The following DPY30 variants were observed in gnomAD, a reference collection of about 807,000 sequenced individuals.
DPY30 encodes the protein protein dpy-30 homolog.
A neutral mutation model predicts 16.2 loss-of-function variants in DPY30; 6 were observed. The observed-to-expected ratio is 0.37, with a 90% CI of 0.20 to 0.73. The LOEUF is 0.73. Ranked by LOEUF, DPY30 falls within the 30% of genes least tolerant of loss-of-function variation. The pLI is 0.51. For missense variants in DPY30, 73 were observed against 113.1 expected, an observed-to-expected ratio of 0.65 and a Z score of 1.61; for synonymous variants, 39 against 38.8, an observed-to-expected ratio of 1.00 and a Z score of -0.02.
At chr2:32,038,600 C>G (rs1675842921) in intron 3 of DPY30, among the ~76,000 whole-genome samples, 1 of 151,252 alleles carries the variant, frequency 6.6e-6, no homozygotes, top group Admixed American at 6.6e-5. Context: ...TCCACCAGCT[C>G]ACTATTCTGC....
chr2:32,022,510 AT>A (rs70964747), downstream of DPY30, among the ~76,000 whole-genome samples: 147 of 149,260 alleles, frequency 9.8e-4, no homozygotes, highest in East Asian at 1.8e-3. Context: ...GTATTTATGT[AT>A]TTTTTTTTTT....
chr2:32,023,455 C>A (rs562267422), downstream of DPY30: 8 of 472,204 alleles, frequency 1.7e-5, no homozygotes, highest in East Asian at 5.6e-4. Flanking sequence ...CACTTAACCT[C>A]TCCAAGTCTG....
intron 1 of DPY30, 114 bp downstream of exon 1, chr2:32,039,619 A>G (rs967779642): frequency 2.5e-6 from 2 of 816,276 alleles, no homozygotes; most frequent in African/African-American, 1.7e-5. Context: ...CACGAGCAGT[A>G]GAGCAGCAGA....
At chr2:32,036,233 C>G (rs919579860) in intron 3 of DPY30, among the ~76,000 whole-genome samples, 6 of 152,054 alleles carry the variant, frequency 3.9e-5, no homozygotes, top group Non-Finnish European at 8.8e-5. Flanking sequence ...CCACCTTGGC[C>G]TCCCAACGGG....
chr2:32,015,313 C>G (rs1345215405), intron 5 of DPY30, among the ~76,000 whole-genome samples: 1 of 152,136 alleles, frequency 6.6e-6, no homozygotes, highest in East Asian at 1.9e-4. Context: ...TCAACTAAAA[C>G]TAGTGTTCTA....
chr2:32,039,233 C>A, intron 3 of DPY30, 46 bp downstream of exon 3: 1 of 1,613,692 alleles, frequency 6.2e-7, no homozygotes, highest in Non-Finnish European at 8.5e-7. Flanking sequence ...TTTTCTCCAG[C>A]TTGCAAGAGA....
rs540575270 is a variant in DPY30, at chr2:32,017,745, G to A, written n.377+5677C>T. Reference sequence around the variant, plus strand: ...CAGTTCTATTAGGTACTGCCATTACGTAATTTAATTAAACATTACATAAGC... The same window carrying A: ...CAGTTCTATTAGGTACTGCCATTACATAATTTAATTAAACATTACATAAGC... On this transcript the variant is annotated intron_variant and non_coding_transcript_variant, in intron 5 of 5. Coordinates refer to the DPY30 transcript ENST00000414013. Among the ~76,000 whole-genome samples the A allele has an allele frequency of 5.8e-4, 89 of 152,138 alleles. 1 individual carries two copies. Among genetic ancestry groups the A allele is most frequent in the Middle Eastern group, 3.4e-3 (1 of 292 alleles).
intron 4 of DPY30, among the ~76,000 whole-genome samples, chr2:32,027,022 T>C (rs1190614691): frequency 6.6e-6 from 1 of 151,026 alleles, no homozygotes; most frequent in Non-Finnish European, 1.5e-5. Context: ...ACACCTATAA[T>C]CCCAGCATTT....
At chr2:32,018,959 AAGGCT>A (rs1403370842), downstream of DPY30, among the ~76,000 whole-genome samples, 1 of 152,086 alleles carries the variant, frequency 6.6e-6, no homozygotes, top group Non-Finnish European at 1.5e-5. Context: ...CTAGGAGGTC[AAGGCT>A]GCAGTGAGCT....
chr2:32,016,905 CAG>C (rs1220898000), intron 5 of DPY30, among the ~76,000 whole-genome samples: 1 of 152,002 alleles, frequency 6.6e-6, no homozygotes, highest in Admixed American at 6.6e-5. Flanking sequence ...TTTTTTGAGA[CAG>C]AGTGTCATTC....
chr2:32,017,099 T>A (rs1675080300), intron 5 of DPY30, among the ~76,000 whole-genome samples: 1 of 150,994 alleles, frequency 6.6e-6, no homozygotes, highest in Admixed American at 6.6e-5. Flanking sequence ...GCCAGGCTGG[T>A]CTCAAACTCC....
At chr2:32,022,411 A>C (rs1675205292), downstream of DPY30, among the ~76,000 whole-genome samples, 1 of 152,182 alleles carries the variant, frequency 6.6e-6, no homozygotes, top group Non-Finnish European at 1.5e-5. Context: ...GTAAACCAAA[A>C]ACATAATACC....
chr2:32,021,877 G>A (rs1263647810), downstream of DPY30, among the ~76,000 whole-genome samples: 3 of 151,726 alleles, frequency 2.0e-5, no homozygotes, highest in South Asian at 4.2e-4. Context: ...GAGAATCGTC[G>A]GTAAAGAACC....
chr2:32,017,841 T>C (rs1262571547), intron 5 of DPY30, among the ~76,000 whole-genome samples: 1 of 152,154 alleles, frequency 6.6e-6, no homozygotes. Context: ...CAAATTCATA[T>C]GTTGAAATCC....
In DPY30 at chr2:32,013,450, C is replaced by G. The variant is rs536810246; in HGVS notation, n.378-1398G>C. 4 of 152,312 alleles carry G rather than the reference C, an allele frequency of 2.6e-5. 1 individual carries two copies. The South Asian group carries it at 8.3e-4, about 32-fold the overall frequency. The allele number at this position is 152,312 out of a possible 1,614,324, so 9.4% of individuals were successfully genotyped here. A position where few individuals can be genotyped will look rare whatever the true frequency, so the allele number is the denominator to read the frequency against. On this transcript the variant is annotated intron_variant and non_coding_transcript_variant, in intron 5 of 5. Transcript: ENST00000414013. Reference sequence around the variant, plus strand: ...CCCCCTGTCCACCTTATTCTAGCTACCTTACTCAAGTATACCCTTGAAAGA... The same window carrying G: ...CCCCCTGTCCACCTTATTCTAGCTAGCTTACTCAAGTATACCCTTGAAAGA...
intron 3 of DPY30, among the ~76,000 whole-genome samples, chr2:32,035,936 GAAAAAAAA>G (rs762915217): frequency 4.0e-5 from 2 of 50,338 alleles, no homozygotes; most frequent in South Asian, 6.0e-4. Flanking sequence ...CAGTCTCGAA[GAAAAAAAA>G]AAAAAAAAAG....
In DPY30 at chr2:32,015,796, A is replaced by C. The variant is rs991346075; in HGVS notation, n.378-3744T>G. On this transcript the variant is annotated intron_variant and non_coding_transcript_variant, in intron 5 of 5. Transcript: ENST00000414013. Reference sequence around the variant, plus strand: ...CTTGAGCCCAGGAGTTCAAAGCTGCAGTGACCTATGATTGTGCCACTGCAG... The same window carrying C: ...CTTGAGCCCAGGAGTTCAAAGCTGCCGTGACCTATGATTGTGCCACTGCAG... 5.3e-5 allele frequency among the ~76,000 whole-genome samples: 8 copies of C among 151,408 alleles called. No individual in the cohort carries two copies. The East Asian group carries it at 1.6e-3, about 29-fold the overall frequency.
intron 3 of DPY30, among the ~76,000 whole-genome samples, chr2:32,037,644 G>A (rs1003492200): frequency 3.3e-5 from 5 of 151,364 alleles, no homozygotes; most frequent in African/African-American, 1.2e-4. Flanking sequence ...TGCAACCTCT[G>A]CCTCCGGGGT....
chr2:32,023,635 T>C, downstream of DPY30: 2 of 940,328 alleles, frequency 2.1e-6, no homozygotes, highest in Non-Finnish European at 3.0e-6. Flanking sequence ...CCCTTTGCAA[T>C]GCTTTTATTA....
Sources: allele counts gnomAD v4.1 joint callset (sites outside exome capture counted in the v4.1 genomes callset), GRCh38; gene constraint gnomAD v4.1.1; transcripts MANE v1.5; gene names NCBI Gene and HGNC (gene_info 2026-07-23, HGNC 2026-07-21).